Variants in LRRC4C observed in about 807,000 individuals in gnomAD.
LRRC4C encodes leucine-rich repeat-containing protein 4C.
In LRRC4C, 5 loss-of-function variants were observed where a neutral mutation model predicts 33.6. The observed-to-expected ratio is 0.15, with a 90% CI of 0.08 to 0.31. LRRC4C has a LOEUF of 0.31. LRRC4C is among the 10% of genes least tolerant of loss of function. The pLI, the probability that LRRC4C is intolerant of heterozygous loss-of-function variation, is 1.00. For synonymous variants in LRRC4C, 329 were observed against 302.0 expected (o/e 1.09, Z -0.93); for missense variants, 560 against 796.7 (o/e 0.70, Z 3.58).
intron 3 of LRRC4C, among the ~76,000 whole-genome samples, chr11:40,371,132 T>C (rs1948431916): frequency 6.6e-6 from 1 of 152,180 alleles, no homozygotes; most frequent in South Asian, 2.1e-4. Context: ...TATAGGAACG[T>C]TTCCCCAAAA....
intron 2 of LRRC4C, among the ~76,000 whole-genome samples, chr11:40,892,369 A>G (rs1955755910): frequency 6.6e-6 from 1 of 152,154 alleles, no homozygotes; most frequent in African/African-American, 2.4e-5. Flanking sequence ...GTACATATGC[A>G]CAATGGAGTA....
intron 2 of LRRC4C, among the ~76,000 whole-genome samples, chr11:40,802,684 A>G (rs1044417722): frequency 2.0e-5 from 3 of 152,222 alleles, no homozygotes; most frequent in Non-Finnish European, 1.5e-5. Flanking sequence ...ATGAAAAGAC[A>G]TAGAAAATGT....
At chr11:40,979,698 G>C (rs1346265866) in intron 1 of LRRC4C, among the ~76,000 whole-genome samples, 2 of 152,166 alleles carry the variant, frequency 1.3e-5, no homozygotes, top group South Asian at 4.1e-4. Context: ...TGAAATCAAA[G>C]ATAAACGAAA....
chr11:40,686,066 ATACTC>A (rs1375171131), intron 2 of LRRC4C, among the ~76,000 whole-genome samples: 2 of 151,994 alleles, frequency 1.3e-5, no homozygotes, highest in African/African-American at 4.8e-5. Flanking sequence ...ACCTCATCAT[ATACTC>A]TACAATAACC....
intron 1 of LRRC4C, among the ~76,000 whole-genome samples, chr11:41,095,761 T>C (rs1940768751): frequency 1.3e-5 from 2 of 152,234 alleles, no homozygotes; most frequent in Non-Finnish European, 1.5e-5. Flanking sequence ...AGGTTTTCAC[T>C]GCAGGTGAAG....
At chr11:41,385,229 G>C (rs1480643576) in intron 1 of LRRC4C, among the ~76,000 whole-genome samples, 1 of 151,250 alleles carries the variant, frequency 6.6e-6, no homozygotes, top group Non-Finnish European at 1.5e-5. Context: ...AAATCATGTG[G>C]CCAATTTAAA....
rs56269292 is a variant in LRRC4C, at chr11:40,200,180, T to TAAAAAAAAAAAAAAAAAAAAAAAA, written c.-96+41315_-96+41338dup. ...CAAAATGGAGAAAGCCTGTCTCCAC[T>TAAAAAAAAAAAAAAAAAAAAAAAA]AAAAAAAAAAAAAAAAAAAAAAAAA... On this transcript the variant is annotated intron_variant, in intron 5 of 6. Transcript: ENST00000528697. Among the ~76,000 whole-genome samples, 4 of 26,046 alleles carry TAAAAAAAAAAAAAAAAAAAAAAAA rather than the reference T, an allele frequency of 1.5e-4. 1 individual carries two copies. The highest frequency in any genetic ancestry group is 2.8e-4 in the Non-Finnish European group (4 of 14,222). The allele number at this position is 26,046 out of a possible 152,430, so 17.1% of individuals were successfully genotyped here.
chr11:41,260,767 A>T (rs893159305), intron 1 of LRRC4C, among the ~76,000 whole-genome samples: 26 of 152,020 alleles, frequency 1.7e-4, no homozygotes, highest in African/African-American at 6.3e-4. Flanking sequence ...AAAAAGTTGA[A>T]CCCAAACCTA....
intron 2 of LRRC4C, among the ~76,000 whole-genome samples, chr11:40,914,845 G>A (rs1399284943): frequency 6.6e-6 from 1 of 152,108 alleles, no homozygotes; most frequent in Non-Finnish European, 1.5e-5. Context: ...GGCAACTTCA[G>A]CAAAGTCTCA....
chr11:40,431,798 A>G (rs1031230245), intron 3 of LRRC4C, among the ~76,000 whole-genome samples: 3 of 152,208 alleles, frequency 2.0e-5, no homozygotes, highest in Non-Finnish European at 4.4e-5. Flanking sequence ...CCATTTTGCA[A>G]TGACACAAAA....
chr11:40,785,658 A>T (rs1047357300), intron 2 of LRRC4C, among the ~76,000 whole-genome samples: 3 of 152,246 alleles, frequency 2.0e-5, no homozygotes, highest in South Asian at 4.1e-4. Flanking sequence ...CTTTGGTGGG[A>T]TGAGGTAAGG....
intron 1 of LRRC4C, among the ~76,000 whole-genome samples, chr11:41,187,763 G>C (rs1029931887): frequency 3.3e-5 from 5 of 152,218 alleles, no homozygotes; most frequent in African/African-American, 1.2e-4. Flanking sequence ...TGAGCTGTGA[G>C]CATTCACCCC....
intron 1 of LRRC4C, among the ~76,000 whole-genome samples, chr11:40,977,210 T>A (rs570576698): frequency 6.6e-6 from 1 of 152,128 alleles, no homozygotes; most frequent in African/African-American, 2.4e-5. Context: ...TAAATATAGA[T>A]GAAGTTTTGC....
At chr11:41,063,701 TA>T (rs1590400482) in intron 1 of LRRC4C, among the ~76,000 whole-genome samples, 1 of 152,124 alleles carries the variant, frequency 6.6e-6, no homozygotes. Context: ...CAATATCCAA[TA>T]AGGCCATAGA....
chr11:40,949,609 C>A (rs904894533), intron 1 of LRRC4C, among the ~76,000 whole-genome samples: 25 of 150,998 alleles, frequency 1.7e-4, no homozygotes, highest in African/African-American at 5.4e-4. Flanking sequence ...TCATATCCAG[C>A]CAAACTAAGC....
At chr11:40,959,581 T>C (rs139425825) in intron 1 of LRRC4C, among the ~76,000 whole-genome samples, 187 of 151,896 alleles carry the variant, frequency 1.2e-3, no homozygotes, top group African/African-American at 4.3e-3. Flanking sequence ...GACTTTATAC[T>C]AAATGACTCC....
At chr11:41,406,447 G>T (rs565127364) in intron 1 of LRRC4C, among the ~76,000 whole-genome samples, 1 of 151,992 alleles carries the variant, frequency 6.6e-6, no homozygotes, top group South Asian at 2.1e-4. Context: ...TCATCATTGC[G>T]TGGGTATCTT....
chr11:40,901,914 G>A (rs1402313842), intron 2 of LRRC4C, among the ~76,000 whole-genome samples: 1 of 151,064 alleles, frequency 6.6e-6, no homozygotes, highest in Non-Finnish European at 1.5e-5. Context: ...ACTGAAACAG[G>A]GGTAACTCCC....
chr11:41,453,107 G>C (rs114751425), intron 1 of LRRC4C, among the ~76,000 whole-genome samples: 1 of 151,888 alleles, frequency 6.6e-6, no homozygotes, highest in East Asian at 1.9e-4. Context: ...TAACATATTG[G>C]GACATGCTAC....
Sources: gnomAD v4.1 joint callset for allele counts (sites outside exome capture counted in the v4.1 genomes callset) on GRCh38, gnomAD v4.1.1 for gene constraint, MANE v1.5 for transcripts, NCBI Gene and HGNC (gene_info 2026-07-23, HGNC 2026-07-21) for gene names.